The following PIP5K1C variants were observed in gnomAD, a reference collection of about 807,000 sequenced individuals.
PIP5K1C encodes the protein phosphatidylinositol-4-phosphate 5-kinase type 1 gamma, also known as phosphatidylinositol 4-phosphate 5-kinase type-1 gamma.
A neutral mutation model predicts 80.1 loss-of-function variants in PIP5K1C; 45 were observed. The ratio of observed to expected loss-of-function variants is 0.56; its 90% CI spans 0.44 to 0.72. The LOEUF is 0.72. Among genes scored for constraint, PIP5K1C ranks in the 30% least tolerant of loss-of-function variants. The pLI is 0.00. For missense variants in PIP5K1C, 753 were observed against 954.6 expected (o/e 0.79, Z 2.78); for synonymous variants, 498 against 420.1 (o/e 1.19, Z -2.27).
intron 16 of PIP5K1C, among the ~76,000 whole-genome samples, chr19:3,633,922 AGGCTCCT>A (rs1239391810): frequency 2.6e-5 from 4 of 152,032 alleles, no homozygotes. Context: ...ACCAGCGCAC[AGGCTCCT>A]GGAAGCTCTC....
chr19:3,654,854 A>G (rs1310623199), intron 6 of PIP5K1C, among the ~76,000 whole-genome samples: 1 of 148,894 alleles, frequency 6.7e-6, no homozygotes, highest in Admixed American at 6.7e-5. Flanking sequence ...AGTGGCTCAC[A>G]TCTATAATCC....
intron 1 of PIP5K1C, among the ~76,000 whole-genome samples, chr19:3,679,407 C>G (rs1023265645): frequency 6.6e-6 from 1 of 152,230 alleles, no homozygotes; most frequent in East Asian, 1.9e-4. Flanking sequence ...AGCCTCTCAC[C>G]TCCCCAGGGA....
Position 3,652,136 on chromosome 19 carries a change from G to A in PIP5K1C, c.922-105C>T, listed in dbSNP as rs370011073. The A allele has an allele frequency of 2.0e-4, 202 of 1,018,088 alleles. 8 individuals carry two copies. In the East Asian group the frequency reaches 3.1e-3, roughly 16 times the overall value. The allele number at this position is 1,018,088 out of a possible 1,614,324, so 63.1% of individuals were successfully genotyped here. On this transcript the variant is annotated intron_variant, in intron 7 of 17. Coordinates refer to ENST00000335312, the MANE Select transcript of PIP5K1C (RefSeq NM_012398.3). ...CCAGCACGGATGGCCCCGTGGGCTCGGGTGTGAGAGATGGAGTCCCACGGC... is the reference window on the plus strand; with the variant it reads ...CCAGCACGGATGGCCCCGTGGGCTCAGGTGTGAGAGATGGAGTCCCACGGC...
chr19:3,650,523 C>T (rs376274741), intron 8 of PIP5K1C, among the ~76,000 whole-genome samples: 17 of 152,332 alleles, frequency 1.1e-4, no homozygotes, highest in Middle Eastern at 3.4e-3. Flanking sequence ...GGTGGAGGCC[C>T]GGGACGCTGC....
chr19:3,668,010 G>A (rs1194793456), intron 1 of PIP5K1C, among the ~76,000 whole-genome samples: 1 of 152,168 alleles, frequency 6.6e-6, no homozygotes, highest in African/African-American at 2.4e-5. Context: ...GAGGTTTGTG[G>A]AAGGGTAAGA....
intron 3 of PIP5K1C, among the ~76,000 whole-genome samples, chr19:3,663,304 C>T (rs564215547): frequency 6.6e-6 from 1 of 152,214 alleles, no homozygotes. Flanking sequence ...GTCGCAGGTG[C>T]GAGGTGGCAG....
chr19:3,656,352 G>A (rs1013750368), intron 6 of PIP5K1C, 53 bp downstream of exon 6: 33 of 1,604,274 alleles, frequency 2.1e-5, no homozygotes, highest in Middle Eastern at 1.9e-4. Flanking sequence ...CCCGCCAGCC[G>A]GGAGAAGGGG....
At chr19:3,659,004 C>T (rs1377699391) in intron 5 of PIP5K1C, among the ~76,000 whole-genome samples, 1 of 152,142 alleles carries the variant, frequency 6.6e-6, no homozygotes, top group African/African-American at 2.4e-5. Flanking sequence ...CAGGGCTGAG[C>T]CCCACCCTGC....
intron 16 of PIP5K1C, among the ~76,000 whole-genome samples, 185 bp downstream of exon 16, chr19:3,638,699 T>C (rs943360598): frequency 1.2e-4 from 19 of 152,186 alleles, no homozygotes; most frequent in Non-Finnish European, 2.1e-4. Context: ...GGTGTGAACG[T>C]GGCTGGTGGG....
Position 3,665,004 on chromosome 19 carries a change from GT to G in PIP5K1C, c.127-91del. Reference sequence around the variant, plus strand: ...CTGAAACCCTGGGAAGAAAGGTTTAGTCGTTGGGCCCAGCAGGGGTGCACAG... The same window carrying G: ...CTGAAACCCTGGGAAGAAAGGTTTAGCGTTGGGCCCAGCAGGGGTGCACAG... On this transcript the variant is annotated intron_variant, in intron 2 of 17. Coordinates refer to ENST00000335312, the MANE Select transcript of PIP5K1C (RefSeq NM_012398.3). 4 of 1,097,824 alleles carry G rather than the reference GT, an allele frequency of 3.6e-6. No individual in the cohort carries two copies. The South Asian group carries it at 5.1e-5, about 14-fold the overall frequency. The allele number at this position is 1,097,824 out of a possible 1,614,324, so 68.0% of individuals were successfully genotyped here.
At chr19:3,651,355 C>T (rs905436576) in intron 8 of PIP5K1C, among the ~76,000 whole-genome samples, 4 of 152,222 alleles carry the variant, frequency 2.6e-5, no homozygotes, top group Non-Finnish European at 5.9e-5. Context: ...TGCGCCCAGC[C>T]AGCAGCTGCT....
intron 1 of PIP5K1C, among the ~76,000 whole-genome samples, chr19:3,689,332 T>C (rs1349551337): frequency 1.3e-5 from 2 of 152,118 alleles, no homozygotes; most frequent in Non-Finnish European, 1.5e-5. Context: ...GCGCCTGAAG[T>C]GTCTGCAGCA....
intron 7 of PIP5K1C, 27 bp downstream of exon 7, chr19:3,653,263 C>T: frequency 6.3e-7 from 1 of 1,598,106 alleles, no homozygotes; most frequent in African/African-American, 1.3e-5. Context: ...TGCCACCCTC[C>T]CTCCCCGGCC....
intron 1 of PIP5K1C, among the ~76,000 whole-genome samples, chr19:3,684,887 C>T (rs1459314589): frequency 2.6e-5 from 4 of 152,220 alleles, no homozygotes; most frequent in Non-Finnish European, 5.9e-5. Flanking sequence ...GTAGACACGT[C>T]ACTCAGCAGT....
At position 3,697,318 on chromosome 19, in the gene PIP5K1C, G is replaced by A. The variant is rs368991204; in HGVS notation, c.94+2979C>T. 8.6e-5 allele frequency among the ~76,000 whole-genome samples: 13 copies of A among 151,106 alleles called. No individual in the cohort carries two copies. The East Asian group carries it at 9.8e-4, about 11-fold the overall frequency. On this transcript the variant is annotated intron_variant, in intron 1 of 17. Coordinates refer to ENST00000335312, the MANE Select transcript of PIP5K1C (RefSeq NM_012398.3). Reference sequence around the variant, plus strand: ...GAGCCGGATGGAGGAGGACTGGGCCGGACGGAGGAGGACCGAGCTGGACCG... The same window carrying A: ...GAGCCGGATGGAGGAGGACTGGGCCAGACGGAGGAGGACCGAGCTGGACCG...
intron 2 of PIP5K1C, among the ~76,000 whole-genome samples, chr19:3,666,851 G>A (rs572619134): frequency 4.5e-4 from 69 of 152,394 alleles, no homozygotes; most frequent in African/African-American, 1.6e-3. Flanking sequence ...CAGCCTCACT[G>A]TGCACTACGC....
chr19:3,643,065 T>C, intron 13 of PIP5K1C, 126 bp from the exon 14 acceptor site: 2 of 1,458,254 alleles, frequency 1.4e-6, no homozygotes, highest in Non-Finnish European at 9.6e-7. Flanking sequence ...CATATGCTCC[T>C]CCCTCCCACA....
rs772528049 is a variant in PIP5K1C, at chr19:3,692,343, C to G, written c.94+7954G>C. Among the ~76,000 whole-genome samples, 1 of 152,188 alleles carries G rather than the reference C, an allele frequency of 6.6e-6. No homozygotes were observed. Among genetic ancestry groups the G allele is most frequent in the Non-Finnish European group, 1.5e-5 (1 of 68,024 alleles). On this transcript the variant is annotated intron_variant, in intron 1 of 17. Coordinates refer to ENST00000335312, the MANE Select transcript of PIP5K1C (RefSeq NM_012398.3). This position sits in a 1 kb window ranked among gnomAD's most constrained non-coding sequence, Gnocchi z 5.2. Reference sequence around the variant, plus strand: ...GGCTCCCACCACGGCCCCCAACGCTCCCTACAGGGGCTCCTGGGGCCTCCC... The same window carrying G: ...GGCTCCCACCACGGCCCCCAACGCTGCCTACAGGGGCTCCTGGGGCCTCCC...
intron 1 of PIP5K1C, among the ~76,000 whole-genome samples, chr19:3,685,428 C>T (rs1225515066): frequency 6.6e-6 from 1 of 152,134 alleles, no homozygotes; most frequent in East Asian, 1.9e-4. Context: ...CGAACACAGC[C>T]CACTAAAGAA....
Sources: gnomAD v4.1 joint callset for allele counts (sites outside exome capture counted in the v4.1 genomes callset) on GRCh38, gnomAD v4.1.1 for gene constraint, Gnocchi (gnomAD v3.1) non-coding constraint, MANE v1.5 for transcripts, NCBI Gene and HGNC (gene_info 2026-07-23, HGNC 2026-07-21) for gene names.